Variants in PVT1 observed in about 807,000 individuals in gnomAD.
PVT1 encodes Pvt1 oncogene.
intron 2 of PVT1, among the ~76,000 whole-genome samples, chr8:127,839,686 C>T (rs770811420): frequency 1.3e-5 from 2 of 151,918 alleles, no homozygotes; most frequent in Non-Finnish European, 2.9e-5. Context: ...GTCATGAGCC[C>T]GTGCATCAGT....
At chr8:128,043,181 C>T (rs1813566316) in intron 4 of PVT1, among the ~76,000 whole-genome samples, 1 of 152,160 alleles carries the variant, frequency 6.6e-6, no homozygotes, top group African/African-American at 2.4e-5. Context: ...AGGGTGCATT[C>T]AGTGCTGCCA....
At chr8:127,846,552 C>T (rs977297790) in intron 2 of PVT1, among the ~76,000 whole-genome samples, 9 of 152,172 alleles carry the variant, frequency 5.9e-5, no homozygotes, top group East Asian at 1.9e-4. Context: ...GAGCCTGTGC[C>T]GTGTGTTTCC....
chr8:127,837,259 C>T (rs1814919593), intron 2 of PVT1, among the ~76,000 whole-genome samples: 1 of 152,190 alleles, frequency 6.6e-6, no homozygotes, highest in Admixed American at 6.5e-5. Context: ...GCTCGCCTTC[C>T]ATCCAGCTGA....
At position 127,926,531 on chromosome 8, in the gene PVT1, G is replaced by A. The variant is rs577743196; in HGVS notation, n.782+35533G>A. On this transcript the variant is annotated intron_variant and non_coding_transcript_variant, in intron 3 of 10. Transcript: ENST00000651587. ...GGGGTGCAAAGGGCTGCTCCTCCTT[G>A]TTTCCATGTGGGGTAAACTCCATGG... Among the ~76,000 whole-genome samples the A allele has an allele frequency of 3.7e-4, 56 of 152,284 alleles. 1 individual carries two copies. Among genetic ancestry groups the A allele is most frequent in the Non-Finnish European group, 7.4e-4 (50 of 67,990 alleles).
intron 2 of PVT1, among the ~76,000 whole-genome samples, chr8:127,866,153 C>T (rs2129760174): frequency 6.6e-6 from 1 of 152,276 alleles, no homozygotes; most frequent in East Asian, 1.9e-4. Flanking sequence ...TCTCAGGAGC[C>T]CTTTACCAGT....
intron 2 of PVT1, chr8:127,852,003 C>A (rs1003010056): frequency 6.6e-6 from 1 of 152,264 alleles, no homozygotes; most frequent in Non-Finnish European, 1.5e-5. Flanking sequence ...GCTCAGCCAG[C>A]ACTTTACAAG....
chr8:128,042,818 C>T (rs530296746), intron 4 of PVT1, among the ~76,000 whole-genome samples: 23 of 150,538 alleles, frequency 1.5e-4, no homozygotes, highest in South Asian at 6.3e-4. Context: ...GGCTGGAGTG[C>T]AGTGGCACAA....
intron 4 of PVT1, among the ~76,000 whole-genome samples, chr8:128,018,243 A>C (rs1817396347): frequency 6.6e-6 from 1 of 152,220 alleles, no homozygotes; most frequent in Admixed American, 6.5e-5. Context: ...TTATAAGGAA[A>C]GAAAAAGATG....
intron 2 of PVT1, among the ~76,000 whole-genome samples, chr8:127,870,959 G>GCCTCCT (rs757696620): frequency 1.3e-5 from 2 of 151,938 alleles, no homozygotes; most frequent in Admixed American, 1.3e-4. Flanking sequence ...TCTCCTTTCT[G>GCCTCCT]CCTCCTCCTC....
At chr8:128,097,673 G>T (rs1018179753) in intron 6 of PVT1, among the ~76,000 whole-genome samples, 3 of 152,074 alleles carry the variant, frequency 2.0e-5, no homozygotes, top group Non-Finnish European at 4.4e-5. Context: ...ATCATTCCTT[G>T]TAAACATGGA....
chr8:127,830,643 C>A (rs990318939), intron 2 of PVT1, among the ~76,000 whole-genome samples: 57 of 151,708 alleles, frequency 3.8e-4, no homozygotes, highest in African/African-American at 1.3e-3. Context: ...TAGCACGTTG[C>A]GGGGCTGTGA....
intron 3 of PVT1, among the ~76,000 whole-genome samples, chr8:127,926,058 C>T (rs942100884): frequency 1.8e-4 from 27 of 152,150 alleles, no homozygotes; most frequent in Non-Finnish European, 3.2e-4. Flanking sequence ...AAAGGTGGGA[C>T]TCTCTGCAGT....
At chr8:127,868,000 T>C (rs2129763325) in intron 2 of PVT1, among the ~76,000 whole-genome samples, 1 of 152,368 alleles carries the variant, frequency 6.6e-6, no homozygotes, top group South Asian at 2.1e-4. Context: ...GATCCCTCTG[T>C]CCTTGTCTGC....
intron 3 of PVT1, among the ~76,000 whole-genome samples, chr8:127,978,270 G>T (rs1421119557): frequency 6.6e-6 from 1 of 151,530 alleles, no homozygotes; most frequent in Non-Finnish European, 1.5e-5. Flanking sequence ...TTCTGCCTCA[G>T]CCTCCCTGAG....
intron 5 of PVT1, chr8:128,096,502 T>G (rs1335669054): frequency 6.6e-6 from 1 of 152,090 alleles, no homozygotes; most frequent in East Asian, 1.9e-4. Context: ...CTTTTTTTTT[T>G]TCTCTTTCTC....
At chr8:127,947,551 C>T in intron 3 of PVT1, 1 of 365,550 alleles carries the variant, frequency 2.7e-6, no homozygotes, top group South Asian at 2.1e-5. Flanking sequence ...GGTTTCTCCC[C>T]TCCCAGGTGG....
chr8:127,838,407 G>T (rs2129710784), intron 2 of PVT1, among the ~76,000 whole-genome samples: 1 of 152,024 alleles, frequency 6.6e-6, no homozygotes, highest in South Asian at 2.1e-4. Context: ...ACCCTATGGG[G>T]TCAAAAACAA....
At chr8:127,972,952 T>G (rs958295424) in intron 3 of PVT1, among the ~76,000 whole-genome samples, 1 of 152,192 alleles carries the variant, frequency 6.6e-6, no homozygotes, top group African/African-American at 2.4e-5. Context: ...TCACACAGGT[T>G]GGAGTGCAGT....
At chr8:128,054,682 T>A (rs553644325) in intron 4 of PVT1, among the ~76,000 whole-genome samples, 22 of 151,668 alleles carry the variant, frequency 1.5e-4, no homozygotes, top group Non-Finnish European at 3.1e-4. Context: ...ATCTGACAGA[T>A]TCTGACTGCA....
Sources: gnomAD v4.1 joint callset for allele counts (sites outside exome capture counted in the v4.1 genomes callset) on GRCh38, gnomAD v4.1.1 for gene constraint, MANE v1.5 for transcripts, NCBI Gene and HGNC (gene_info 2026-07-23, HGNC 2026-07-21) for gene names.